ZNFX1: variants seen among roughly 807,000 people sequenced by gnomAD.
ZNFX1 encodes the protein NFX1-type zinc finger-containing protein 1.
A neutral mutation model predicts 179.8 loss-of-function variants in ZNFX1; 78 were observed. That is an observed-to-expected ratio of 0.43 (90% CI 0.36 to 0.52). The LOEUF is 0.52. ZNFX1 is among the 20% of genes least tolerant of loss of function. The pLI, the probability that ZNFX1 is intolerant of heterozygous loss-of-function variation, is 0.00. For missense variants in ZNFX1, 1,927 were observed against 2,386.6 expected, an observed-to-expected ratio of 0.81 and a Z score of 4.01; for synonymous variants, 848 against 868.5, an observed-to-expected ratio of 0.98 and a Z score of 0.42.
At chr20:49,252,695 TAAC>T (rs777804788) in intron 12 of ZNFX1, 22 bp downstream of exon 12, 2 of 1,594,404 alleles carry the variant, frequency 1.3e-6, no homozygotes, top group Non-Finnish European at 1.7e-6. Context: ...GGGCATTTGG[TAAC>T]AACAGAGGCC....
intron 1 of ZNFX1, among the ~76,000 whole-genome samples, chr20:49,276,145 G>A (rs1475710160): frequency 1.3e-5 from 2 of 152,222 alleles, no homozygotes; most frequent in Admixed American, 1.3e-4. Context: ...TCTTGGGGTA[G>A]AGGGAATGTC....
At position 49,275,803 on chromosome 20, in the gene ZNFX1, T is replaced by G. The variant is rs760114043; in HGVS notation, c.37A>C (p.Arg13=). Residue 13 remains arginine, a synonymous_variant, in exon 2 of 14, where the codon AGG becomes CGG. Transcript: ENST00000396105. The stretch of plus-strand genomic sequence containing the variant: ...CCTCTGTGGTTGGTATGGGAATTCC[T>G]GGGCCTGGCATCCAGATGAGGTCTT... ...ERRPHLDARP[R]NSHTNHRGPV... The G allele has an allele frequency of 6.2e-7, 1 of 1,614,208 alleles. No individual in the cohort carries two copies. The highest frequency in any genetic ancestry group is 8.5e-7 in the Non-Finnish European group (1 of 1,180,022).
chr20:49,251,584 G>C lies in ZNFX1; in HGVS notation c.3255C>G (p.Pro1085=), dbSNP rs764358089. Residue 1085 remains proline (P), a synonymous_variant, in exon 13 of 14, where the codon CCC becomes CCG. Coordinates refer to ENST00000396105, the MANE Select transcript of ZNFX1 (RefSeq NM_021035.3). Reference sequence around the variant, plus strand: ...GATTCTCCAGATCCTGGTAAATGTGGGGGGTCAAAAGGCGGGCAATTTCAG... The same window carrying C: ...GATTCTCCAGATCCTGGTAAATGTGCGGGGTCAAAAGGCGGGCAATTTCAG... ...MCPEIARLLT[P]HIYQDLENHP... The C allele has an allele frequency of 6.2e-7, 1 of 1,612,638 alleles. No homozygotes were observed. Among genetic ancestry groups the C allele is most frequent in the Non-Finnish European group, 8.5e-7 (1 of 1,179,282 alleles).
intron 2 of ZNFX1, among the ~76,000 whole-genome samples, chr20:49,271,994 C>T (rs956512336): frequency 7.2e-5 from 11 of 152,088 alleles, no homozygotes; most frequent in African/African-American, 2.7e-4. Flanking sequence ...TTATTGAGTA[C>T]CTGATGTGTG....
At chr20:49,260,680 G>A in intron 6 of ZNFX1, 103 bp from the exon 7 acceptor site, 2 of 787,998 alleles carry the variant, frequency 2.5e-6, no homozygotes, top group Admixed American at 2.9e-5. Flanking sequence ...GGTAGCTCAT[G>A]CCTGTAATCC....
At chr20:49,274,758 C>CA (rs1309159085) in intron 2 of ZNFX1, among the ~76,000 whole-genome samples, 1 of 151,414 alleles carries the variant, frequency 6.6e-6, no homozygotes, top group Non-Finnish European at 1.5e-5. Context: ...GACTCCGTCT[C>CA]AAAATAAATA....
At chr20:49,258,386 C>T (rs1981025742) in intron 7 of ZNFX1, among the ~76,000 whole-genome samples, 1 of 152,082 alleles carries the variant, frequency 6.6e-6, no homozygotes, top group African/African-American at 2.4e-5. Context: ...CTGCACCCAG[C>T]CCTATGTGAT....
intron 8 of ZNFX1, 35 bp from the exon 9 acceptor site, chr20:49,255,982 A>G (rs1302981800): frequency 6.2e-7 from 1 of 1,607,442 alleles, no homozygotes; most frequent in Admixed American, 1.7e-5. Context: ...GTACTGTCTG[A>G]GCAGAGGCAG....
chr20:49,248,107 C>G lies in ZNFX1; in HGVS notation c.4917G>C (p.Arg1639=). 1 of 1,614,190 alleles carries G rather than the reference C, an allele frequency of 6.2e-7. No individual in the cohort carries two copies. The highest frequency in any genetic ancestry group is 2.2e-5 in the East Asian group (1 of 44,884). Residue 1639 remains arginine, a synonymous_variant, in exon 14 of 14, where the codon CGG becomes CGC. Coordinates refer to ENST00000396105, the MANE Select transcript of ZNFX1 (RefSeq NM_021035.3). This position sits in a 1 kb window ranked among gnomAD's most constrained non-coding sequence, Gnocchi z 4.6. ...CCTTGATGATTTCAATCTCTTCTAG[C>G]CGCTGTTTTATGCTAGTTCCATACC... The part of the protein sequence containing the change: ...NLRYGTSIKQ[R]LEEIEIIKEK...
chr20:49,270,707 G>A lies in ZNFX1; in HGVS notation c.1105C>T (p.Leu369=). The A allele has an allele frequency of 6.2e-7, 1 of 1,614,186 alleles. No homozygotes were observed. Among genetic ancestry groups the A allele is most frequent in the Non-Finnish European group, 8.5e-7 (1 of 1,180,034 alleles). ...CGCAGGAGCCGGAAGTGGGTATCCA[G>A]ATAGATAGCAGTGCTGTCGTATTTT... ...SGKYDSTAIY[L]DTHFRLLRED... The change falls in exon 3 of 14, where the codon CTG becomes TTG. Residue 369 remains leucine, a synonymous_variant. Coordinates refer to ENST00000396105, the MANE Select transcript of ZNFX1 (RefSeq NM_021035.3). The surrounding 1 kb of genome is among the most constrained non-coding windows in gnomAD (Gnocchi z 4.6).
chr20:49,271,812 C>T (rs528332978), intron 2 of ZNFX1, 62 bp from the exon 3 acceptor site: 36 of 1,506,990 alleles, frequency 2.4e-5, no homozygotes, highest in Admixed American at 4.5e-5. Flanking sequence ...CCCAACAGAA[C>T]GACAATGAAC....
chr20:49,266,892 G>A (rs1981246863), intron 3 of ZNFX1, among the ~76,000 whole-genome samples: 1 of 152,034 alleles, frequency 6.6e-6, no homozygotes, highest in Non-Finnish European at 1.5e-5. Context: ...GCTAAAAACT[G>A]CTAAATTCTC....
At chr20:49,273,791 G>T (rs1239947960) in intron 2 of ZNFX1, among the ~76,000 whole-genome samples, 1 of 152,054 alleles carries the variant, frequency 6.6e-6, no homozygotes, top group African/African-American at 2.4e-5. Context: ...TGAGCCACAC[G>T]TGATGGTGCA....
chr20:49,272,646 C>G (rs1981446241), intron 2 of ZNFX1, among the ~76,000 whole-genome samples: 3 of 152,178 alleles, frequency 2.0e-5, no homozygotes, highest in Admixed American at 2.0e-4. Flanking sequence ...TCACAGCCAA[C>G]AGAGACATCA....
At chr20:49,268,854 A>T (rs1981310579) in intron 3 of ZNFX1, among the ~76,000 whole-genome samples, 1 of 152,244 alleles carries the variant, frequency 6.6e-6, no homozygotes. Flanking sequence ...GTCAAAAAAT[A>T]ACAGATGCTA....
Position 49,271,763 on chromosome 20 carries a change from A to C in ZNFX1, c.62-13T>G, listed in dbSNP as rs934844039. 1 of 1,579,844 alleles carries C rather than the reference A, an allele frequency of 6.3e-7. No homozygotes were observed. Among genetic ancestry groups the C allele is most frequent in the Non-Finnish European group, 8.6e-7 (1 of 1,160,796 alleles). On this transcript the variant is annotated splice_polypyrimidine_tract_variant and intron_variant, in intron 2 of 13. Coordinates refer to ENST00000396105, the MANE Select transcript of ZNFX1 (RefSeq NM_021035.3). ...CCATCCACAGGGCCTAAACACAATG[A>C]AATATTGAGTAACCACAAGAACCAA...
At position 49,257,564 on chromosome 20, in the gene ZNFX1, C is replaced by G. The variant is rs773660824; in HGVS notation, c.2517G>C (p.Glu839Asp). ...GCTGGGGCCTCACCACCTCTTCCTC[C>G]TCAATCACCCGGTCTGCTTGAATCA... is the stretch of plus-strand genomic sequence containing the variant. ...ADLIQADRVI[E>D]EEEVVRPQRR... is the part of the protein sequence containing the mutation. The change falls in exon 8 of 14, where the codon GAG becomes GAC. Residue 839 changes from glutamate to aspartate, a missense_variant. Coordinates refer to ENST00000396105, the MANE Select transcript of ZNFX1 (RefSeq NM_021035.3). 5.6e-6 allele frequency: 9 copies of G among 1,613,890 alleles called. No homozygotes were observed. The highest frequency in any genetic ancestry group is 7.6e-6 in the Non-Finnish European group (9 of 1,180,026).
At chr20:49,253,302 T>C (rs1980889041) in intron 11 of ZNFX1, among the ~76,000 whole-genome samples, 1 of 152,116 alleles carries the variant, frequency 6.6e-6, no homozygotes, top group Non-Finnish European at 1.5e-5. Flanking sequence ...GAAAGTGATA[T>C]TATCTATCTA....
intron 10 of ZNFX1, 90 bp downstream of exon 10, chr20:49,254,405 C>G: frequency 6.7e-7 from 1 of 1,491,372 alleles, no homozygotes. Flanking sequence ...CTCTAACCTA[C>G]CAAAGAAGCT....
Sources: gnomAD v4.1 joint callset for allele counts (sites outside exome capture counted in the v4.1 genomes callset) on GRCh38, gnomAD v4.1.1 for gene constraint, Gnocchi (gnomAD v3.1) non-coding constraint, MANE v1.5 for transcripts, NCBI Gene and HGNC (gene_info 2026-07-23, HGNC 2026-07-21) for gene names.